DYNAP: variants seen among roughly 807,000 people sequenced by gnomAD.
The protein encoded by DYNAP is dynactin associated protein, also known as dynactin-associated protein.
A neutral mutation model predicts 8.5 loss-of-function variants in DYNAP; 7 were observed. That is an observed-to-expected ratio of 0.82 (90% CI 0.47 to 1.54). DYNAP has a LOEUF of 1.54. Ranked by LOEUF, DYNAP falls within the 40% of genes most tolerant of loss-of-function variation. DYNAP has a pLI of 0.01. For missense variants in DYNAP, 256 were observed against 224.3 expected (o/e 1.14, Z -0.90); for synonymous variants, 77 against 77.9 (o/e 0.99, Z 0.06).
At chr18:54,578,055 TGA>T in the DYNAP span, among the ~76,000 whole-genome samples, 1 of 151,988 alleles carries the variant, frequency 6.6e-6, no homozygotes. Flanking sequence ...CGGGACAGAC[TGA>T]GTCAAGGCAA....
upstream of DYNAP, chr18:54,587,931 T>C (rs748276854): frequency 7.7e-5 from 31 of 400,310 alleles, no homozygotes; most frequent in Middle Eastern, 1.2e-3. Flanking sequence ...CCTTTTATTC[T>C]GTAGAAGTTG....
At position 54,599,304 on chromosome 18, in the gene DYNAP, A is replaced by G. The variant is rs1014158305; in HGVS notation, c.*1159A>G. ...ACAAATGCCACCATTACCACTTAAAACTTGATAGAACTAGCATCAGTCATC... is the reference window on the plus strand; with the variant it reads ...ACAAATGCCACCATTACCACTTAAAGCTTGATAGAACTAGCATCAGTCATC... On this transcript the variant is annotated 3_prime_UTR_variant, in exon 3 of 3. Coordinates refer to ENST00000648945, the MANE Select transcript of DYNAP (RefSeq NM_173629.3). 1 of 152,044 alleles carries G rather than the reference A, an allele frequency of 6.6e-6. No individual in the cohort carries two copies. The highest frequency in any genetic ancestry group is 6.6e-5 in the Admixed American group (1 of 15,246). 9.4% of individuals were successfully genotyped at this position (152,044 alleles called of 1,614,324 possible). A position where few individuals can be genotyped will look rare whatever the true frequency, so the allele number is the denominator to read the frequency against.
rs149682365 is a variant in DYNAP, at chr18:54,596,823, A to G, written c.223-990A>G. Among the ~76,000 whole-genome samples, 175 of 152,172 alleles carry G rather than the reference A, an allele frequency of 1.2e-3. 1 individual carries two copies. The East Asian group carries it at 0.014, about 12-fold the overall frequency. On this transcript the variant is annotated intron_variant, in intron 2 of 2. Coordinates refer to ENST00000648945, the MANE Select transcript of DYNAP (RefSeq NM_173629.3). ...AACCTCCTTTTCAGTGCTTCCCATC[A>G]AGGAAAGAGGACGTTATTTGTCCTA... is the stretch of plus-strand genomic sequence containing the variant.
At chr18:54,593,207 A>AT (rs1407240278) in intron 1 of DYNAP, among the ~76,000 whole-genome samples, 16 of 152,102 alleles carry the variant, frequency 1.1e-4, no homozygotes, top group Non-Finnish European at 2.2e-4. Flanking sequence ...ACAATTTTAT[A>AT]TTTTTGTATT....
chr18:54,591,986 A>G (rs1202390880), intron 1 of DYNAP, among the ~76,000 whole-genome samples: 3 of 152,198 alleles, frequency 2.0e-5, no homozygotes, highest in African/African-American at 7.2e-5. Flanking sequence ...AATGAGAATT[A>G]AAATAGTGAG....
chr18:54,589,648 A>C (rs907012165), upstream of DYNAP, among the ~76,000 whole-genome samples: 1 of 152,144 alleles, frequency 6.6e-6, no homozygotes, highest in African/African-American at 2.4e-5. Context: ...CTCCAGTGAC[A>C]AGAATAATCT....
In DYNAP at chr18:54,595,048, AC is replaced by A; in HGVS notation, c.170del (p.Pro57GlnfsTer19). 1 of 1,612,770 alleles carries A rather than the reference AC, an allele frequency of 6.2e-7. No individual in the cohort carries two copies. Among genetic ancestry groups the A allele is most frequent in the Non-Finnish European group, 8.5e-7 (1 of 1,179,126 alleles). ...VSPNLTGVCV[N>X]PGILAHSRCL... ...CCCAACTTAACTGGGGTCTGCGTGAACCCAGGAATCCTTGCACATTCAAGAT... is the reference window on the plus strand; with the variant it reads ...CCCAACTTAACTGGGGTCTGCGTGAACCAGGAATCCTTGCACATTCAAGAT... On this transcript the variant is annotated frameshift_variant, in exon 2 of 3. Coordinates refer to ENST00000648945, the MANE Select transcript of DYNAP (RefSeq NM_173629.3). LOFTEE classifies it high-confidence loss of function.
At chr18:54,581,109 A>C in the DYNAP span, among the ~76,000 whole-genome samples, 1 of 152,216 alleles carries the variant, frequency 6.6e-6, no homozygotes, top group Non-Finnish European at 1.5e-5. Flanking sequence ...CTATGTATTG[A>C]ATCACTATAC....
Position 54,594,951 on chromosome 18 carries a change from C to G in DYNAP, c.70C>G (p.Pro24Ala), listed in dbSNP as rs1439933713. The G allele has an allele frequency of 1.2e-6, 2 of 1,610,596 alleles. No individual in the cohort carries two copies. Among genetic ancestry groups the G allele is most frequent in the Middle Eastern group, 1.7e-4 (1 of 6,036 alleles). Residue 24 changes from proline (P) to alanine (A), a missense_variant, in exon 2 of 3, where the codon CCA (proline) becomes GCA (alanine). By Grantham distance (27) the Pro-to-Ala change is conservative. Transcript: ENST00000648945. ...TCTGCCTTTGTAGCCAATCACACAT[C>G]CAAATGACCAAGAGGCTCACAGTTC... ...HSENQPPITHPNDQEAHSSIC... is the reference protein window; with the variant it reads ...HSENQPPITHANDQEAHSSIC...
chr18:54,595,726 CT>C (rs1428023028), intron 2 of DYNAP, among the ~76,000 whole-genome samples: 2 of 152,128 alleles, frequency 1.3e-5, no homozygotes, highest in Non-Finnish European at 1.5e-5. Flanking sequence ...ACGACTGTAT[CT>C]TTAAGTCTTC....
the DYNAP span, among the ~76,000 whole-genome samples, chr18:54,577,137 A>C: frequency 6.6e-6 from 1 of 152,216 alleles, no homozygotes; most frequent in Non-Finnish European, 1.5e-5. Context: ...GAAGAGCTTG[A>C]AAGAAATGCT....
chr18:54,581,982 T>C, the DYNAP span, among the ~76,000 whole-genome samples: 2 of 152,176 alleles, frequency 1.3e-5, no homozygotes, highest in Non-Finnish European at 2.9e-5. Context: ...TTCTTACTAA[T>C]ACAAATGCAA....
At chr18:54,590,051 A>C (rs1911010037), upstream of DYNAP, among the ~76,000 whole-genome samples, 1 of 152,182 alleles carries the variant, frequency 6.6e-6, no homozygotes, top group Non-Finnish European at 1.5e-5. Flanking sequence ...TTAAGTATAC[A>C]GTTAAGAGTA....
At chr18:54,595,144 G>A in intron 2 of DYNAP, 41 bp downstream of exon 2, 1 of 1,582,264 alleles carries the variant, frequency 6.3e-7, no homozygotes, top group East Asian at 2.3e-5. Context: ...GTTGGGATGT[G>A]CTCTATATGG....
At chr18:54,579,094 C>T in the DYNAP span, among the ~76,000 whole-genome samples, 6 of 152,014 alleles carry the variant, frequency 3.9e-5, no homozygotes, top group South Asian at 2.1e-4. Context: ...CCACCGCGCC[C>T]GGCCAGAAAA....
the DYNAP span, among the ~76,000 whole-genome samples, chr18:54,575,688 C>T: frequency 6.6e-6 from 1 of 152,116 alleles, no homozygotes; most frequent in African/African-American, 2.4e-5. Context: ...ATCCTCCCAC[C>T]TCAGACTTCC....
upstream of DYNAP, chr18:54,591,174 A>G: frequency 6.2e-7 from 1 of 1,601,030 alleles, no homozygotes; most frequent in Non-Finnish European, 8.5e-7. Flanking sequence ...GATGCATCAT[A>G]GTTGACTTCC....
chr18:54,579,275 G>T, the DYNAP span, among the ~76,000 whole-genome samples: 1 of 152,080 alleles, frequency 6.6e-6, no homozygotes, highest in Admixed American at 6.6e-5. Context: ...TTAAAACCAC[G>T]CAATGCTGGC....
chr18:54,585,497 C>A (rs1381703508), upstream of DYNAP, among the ~76,000 whole-genome samples: 2 of 152,154 alleles, frequency 1.3e-5, no homozygotes, highest in African/African-American at 4.8e-5. Flanking sequence ...GTGGTCTTTG[C>A]TTCTCTCTTC....
Sources: gnomAD v4.1 joint callset for allele counts (sites outside exome capture counted in the v4.1 genomes callset) on GRCh38, gnomAD v4.1.1 for gene constraint, MANE v1.5 for transcripts, NCBI Gene and HGNC (gene_info 2026-07-23, HGNC 2026-07-21) for gene names.